TENT4B: variants seen among roughly 807,000 people sequenced by gnomAD.
The protein encoded by TENT4B is PAP associated domain containing 5.
Under a neutral mutation model 75.0 loss-of-function variants are expected in TENT4B, and 10 were observed. That is an observed-to-expected ratio of 0.13 (90% CI 0.08 to 0.23). The LOEUF (loss-of-function observed/expected upper bound fraction) is 0.23, where lower values mean the gene tolerates loss of function less well. Among genes scored for constraint, TENT4B ranks in the 10% least tolerant of loss-of-function variants. The pLI is 1.00. For synonymous variants in TENT4B, 350 were observed against 357.7 expected (o/e 0.98, Z 0.24); for missense variants, 579 against 893.8 (o/e 0.65, Z 4.49).
chr16:50,190,537 A>G (rs1010117335), intron 1 of TENT4B, among the ~76,000 whole-genome samples: 2 of 151,934 alleles, frequency 1.3e-5, no homozygotes, highest in Non-Finnish European at 2.9e-5. Flanking sequence ...AAATGGAATC[A>G]TGTCTTTTGT....
chr16:50,154,498 C>T (rs1387686034), intron 1 of TENT4B, among the ~76,000 whole-genome samples: 1 of 151,872 alleles, frequency 6.6e-6, no homozygotes, highest in African/African-American at 2.4e-5. Context: ...CCACACCTTC[C>T]TCCCCTCCCT....
intron 1 of TENT4B, among the ~76,000 whole-genome samples, chr16:50,163,895 C>T (rs1490598060): frequency 3.3e-5 from 5 of 151,810 alleles, no homozygotes; most frequent in Admixed American, 6.6e-5. Context: ...CGATGGCTCA[C>T]GCCTGTAATC....
Position 50,154,211 on chromosome 16 carries a change from A to G in TENT4B, c.590A>G (p.Tyr197Cys), listed in dbSNP as rs1174336866. The G allele has an allele frequency of 4.0e-6, 6 of 1,489,136 alleles. No homozygotes were observed. In the Admixed American group the frequency reaches 1.2e-4, roughly 30 times the overall value. The allele number at this position is 1,489,136 out of a possible 1,614,324, so 92.2% of individuals were successfully genotyped here. A position where few individuals can be genotyped will look rare whatever the true frequency, so the allele number is the denominator to read the frequency against. Residue 197 changes from tyrosine to cysteine, a missense_variant, in exon 1 of 12, where the codon TAC becomes TGC. Transcript: ENST00000561678. ...GGRADGGGVV[Y>C]SGTPWKRRNY... ...CGAGCAGACGGCGGCGGGGTCGTGT[A>G]CAGCGGGACCCCGTGGAAACGGAGG...
intron 1 of TENT4B, among the ~76,000 whole-genome samples, 183 bp from the exon 2 acceptor site, chr16:50,211,140 A>C (rs1174204697): frequency 1.3e-5 from 2 of 152,100 alleles, no homozygotes; most frequent in Non-Finnish European, 2.9e-5. Flanking sequence ...CTCATTATTT[A>C]ATTATTTTGG....
At chr16:50,155,914 G>T (rs925864612) in intron 1 of TENT4B, among the ~76,000 whole-genome samples, 1 of 152,130 alleles carries the variant, frequency 6.6e-6, no homozygotes, top group Non-Finnish European at 1.5e-5. Context: ...CTCTTTGCAT[G>T]TGTCTAGCAA....
At chr16:50,215,827 A>C (rs182409681) in intron 3 of TENT4B, among the ~76,000 whole-genome samples, 55 of 152,044 alleles carry the variant, frequency 3.6e-4, no homozygotes, top group African/African-American at 7.5e-4. Flanking sequence ...TTGAGGTTTT[A>C]CTTCTTTCAA....
intron 1 of TENT4B, among the ~76,000 whole-genome samples, chr16:50,155,372 A>T (rs1285639375): frequency 6.7e-6 from 1 of 149,352 alleles, no homozygotes; most frequent in Non-Finnish European, 1.5e-5. Flanking sequence ...TGTGTTTTAC[A>T]TTGAGGGCTT....
intron 1 of TENT4B, among the ~76,000 whole-genome samples, chr16:50,186,056 A>T (rs530074158): frequency 6.6e-6 from 1 of 152,212 alleles, no homozygotes; most frequent in African/African-American, 2.4e-5. Flanking sequence ...AAATATACAT[A>T]AGATAAAATT....
At position 50,235,133 on chromosome 16, in the gene TENT4B, T is replaced by C. The variant is rs770977121; in HGVS notation, c.*5805T>C. On this transcript the variant is annotated 3_prime_UTR_variant, in exon 12 of 12. Transcript: ENST00000561678. ...ACCAGTGATGAAAACTATGAATGAA[T>C]TGCACACCTGGAAGATTTTTTAAGC... 2.3e-4 allele frequency: 135 copies of C among 590,638 alleles called. No individual in the cohort carries two copies. Among genetic ancestry groups the C allele is most frequent in the Non-Finnish European group, 2.7e-4 (126 of 469,366 alleles). 36.6% of individuals were successfully genotyped at this position (590,638 alleles called of 1,614,324 possible).
At chr16:50,200,481 C>A (rs911004036) in intron 1 of TENT4B, among the ~76,000 whole-genome samples, 1 of 151,942 alleles carries the variant, frequency 6.6e-6, no homozygotes, top group Non-Finnish European at 1.5e-5. Flanking sequence ...AAAGTGGCTG[C>A]GCCATTTTGC....
intron 1 of TENT4B, among the ~76,000 whole-genome samples, chr16:50,184,001 A>G (rs1048206887): frequency 6.6e-6 from 1 of 152,192 alleles, no homozygotes; most frequent in African/African-American, 2.4e-5. Context: ...GTTGTAGAAC[A>G]TTTTCATCAA....
chr16:50,224,831 C>A (rs1273721195), intron 8 of TENT4B, 48 bp downstream of exon 8: 4 of 1,612,164 alleles, frequency 2.5e-6, no homozygotes, highest in Non-Finnish European at 3.4e-6. Context: ...TTAGTTGTGG[C>A]TTCTTATCTT....
At position 50,233,546 on chromosome 16, in the gene TENT4B, T is replaced by C; in HGVS notation, c.*4218T>C. On this transcript the variant is annotated 3_prime_UTR_variant, in exon 12 of 12. Transcript: ENST00000561678. ...ATAATGAGCTAAATATATATAGACG[T>C]TGAATGTTGACAAAATTATTAACCA... The C allele has an allele frequency of 1.0e-6, 1 of 985,144 alleles. No homozygotes were observed. Among genetic ancestry groups the C allele is most frequent in the Non-Finnish European group, 1.2e-6 (1 of 829,700 alleles). The allele number at this position is 985,144 out of a possible 1,614,324, so 61.0% of individuals were successfully genotyped here.
chr16:50,166,157 A>T (rs1413041853), intron 1 of TENT4B, among the ~76,000 whole-genome samples: 1 of 144,100 alleles, frequency 6.9e-6, no homozygotes, highest in African/African-American at 2.6e-5. Context: ...ATCTTGGCTC[A>T]CTGCAACCTC....
chr16:50,154,369 G>T, intron 1 of TENT4B, 110 bp downstream of exon 1: 1 of 1,334,770 alleles, frequency 7.5e-7, no homozygotes, highest in East Asian at 3.0e-5. Context: ...CCCACGGCCT[G>T]CCTTCGCTGC....
intron 1 of TENT4B, among the ~76,000 whole-genome samples, chr16:50,157,685 C>T (rs2037927123): frequency 6.6e-6 from 1 of 151,930 alleles, no homozygotes; most frequent in Non-Finnish European, 1.5e-5. Flanking sequence ...CAGCCTTTGC[C>T]TGGGCTCAAG....
chr16:50,222,784 T>C (rs2031887000), intron 6 of TENT4B, among the ~76,000 whole-genome samples: 2 of 152,190 alleles, frequency 1.3e-5, no homozygotes, highest in Admixed American at 1.3e-4. Context: ...GTAAGTTTAG[T>C]TGGAATTGAG....
In TENT4B at chr16:50,153,868, A is replaced by G; in HGVS notation, c.247A>G (p.Met83Val). ...GGCCCCGGCCCCGGCCCCGGCCGGC[A>G]TGTATCGCTCCGGGGAGCGCCTGCT... ...ASAPAPAPAGMYRSGERLLGS... is the reference protein window; with the variant it reads ...ASAPAPAPAGVYRSGERLLGS... Residue 83 changes from methionine to valine, a missense_variant, in exon 1 of 12, where the codon ATG becomes GTG. By Grantham distance (21) the Met-to-Val change is conservative. This residue lies in a region of TENT4B where 253 missense variants were observed against 270.1 expected (regional missense o/e 0.94). Coordinates refer to ENST00000561678, the MANE Select transcript of TENT4B (RefSeq NM_001365324.3). 2 of 1,484,604 alleles carry G rather than the reference A, an allele frequency of 1.3e-6. No individual in the cohort carries two copies. Among genetic ancestry groups the G allele is most frequent in the South Asian group, 1.3e-5 (1 of 78,858 alleles). The allele number at this position is 1,484,604 out of a possible 1,614,324, so 92.0% of individuals were successfully genotyped here.
rs60683678 is a variant in TENT4B, at chr16:50,155,272, G to GGTGTGTGTGTGTGTGTGTGTGTGT, written c.638+1030_638+1053dup. Reference sequence around the variant, plus strand: ...TAAAACAAAGCTTTTGGGTCTCGTGGGTGTGTGTGTGTGTGTGTGTGTGTG... The same window carrying GGTGTGTGTGTGTGTGTGTGTGTGT: ...TAAAACAAAGCTTTTGGGTCTCGTGGGTGTGTGTGTGTGTGTGTGTGTGTGTGTGTGTGTGTGTGTGTGTGTGTG... On this transcript the variant is annotated intron_variant, in intron 1 of 11. Coordinates refer to ENST00000561678, the MANE Select transcript of TENT4B (RefSeq NM_001365324.3). 2.0e-3 allele frequency among the ~76,000 whole-genome samples: 272 copies of GGTGTGTGTGTGTGTGTGTGTGTGT among 135,466 alleles called. 1 individual carries two copies. Among genetic ancestry groups the GGTGTGTGTGTGTGTGTGTGTGTGT allele is most frequent in the South Asian group, 4.2e-3 (16 of 3,836 alleles). 88.9% of individuals were successfully genotyped at this position (135,466 alleles called of 152,430 possible). A position where few individuals can be genotyped will look rare whatever the true frequency, so the allele number is the denominator to read the frequency against.
Sources: gnomAD v4.1 joint callset for allele counts (sites outside exome capture counted in the v4.1 genomes callset) on GRCh38, gnomAD v4.1.1 for gene constraint, gnomAD v4.1.1 regional missense constraint, MANE v1.5 for transcripts, NCBI Gene and HGNC (gene_info 2026-07-23, HGNC 2026-07-21) for gene names.